Variants in DGKI observed in about 807,000 individuals in gnomAD.
The protein encoded by DGKI is DAG kinase iota.
In DGKI, 55 loss-of-function variants were observed where a neutral mutation model predicts 147.5. The ratio of observed to expected loss-of-function variants is 0.37; its 90% CI spans 0.30 to 0.47. DGKI has a LOEUF of 0.47. Among genes scored for constraint, DGKI ranks in the 20% least tolerant of loss-of-function variants. The pLI is 1.00. For missense variants in DGKI, 1,007 were observed against 1,323.8 expected (o/e 0.76, Z 3.71); for synonymous variants, 469 against 477.1 (o/e 0.98, Z 0.22).
intron 1 of DGKI, among the ~76,000 whole-genome samples, chr7:137,719,350 G>C (rs939070718): frequency 6.6e-6 from 1 of 151,880 alleles, no homozygotes; most frequent in African/African-American, 2.4e-5. Context: ...TGATTTTCTC[G>C]GTTAGCCTTG....
intron 1 of DGKI, among the ~76,000 whole-genome samples, chr7:137,707,991 A>C (rs898244543): frequency 6.6e-6 from 1 of 152,168 alleles, no homozygotes; most frequent in Non-Finnish European, 1.5e-5. Context: ...CTAGACCCCT[A>C]TCCCTAAGGT....
chr7:137,651,704 C>T (rs1453453084), intron 5 of DGKI, among the ~76,000 whole-genome samples: 1 of 151,752 alleles, frequency 6.6e-6, no homozygotes, highest in Non-Finnish European at 1.5e-5. Flanking sequence ...GAACTAAGCT[C>T]GGAGGGATTT....
chr7:137,641,088 A>G (rs1466725474), intron 6 of DGKI, among the ~76,000 whole-genome samples: 1 of 152,154 alleles, frequency 6.6e-6, no homozygotes, highest in African/African-American at 2.4e-5. Flanking sequence ...TTCTTGTGAT[A>G]GTGAATGAGT....
At chr7:137,705,939 A>G (rs1405348013) in intron 1 of DGKI, among the ~76,000 whole-genome samples, 1 of 152,066 alleles carries the variant, frequency 6.6e-6, no homozygotes, top group East Asian at 1.9e-4. Flanking sequence ...ATCTTTATTT[A>G]TGAGCCCACA....
At chr7:137,807,107 G>A (rs938493888) in intron 1 of DGKI, among the ~76,000 whole-genome samples, 1 of 152,166 alleles carries the variant, frequency 6.6e-6, no homozygotes, top group African/African-American at 2.4e-5. Context: ...GTGATTACGA[G>A]ATAGTTTATT....
chr7:137,767,508 AAGAGAAGAGAAGAGAAGAGAAGAGT>A (rs1346776876), intron 1 of DGKI, among the ~76,000 whole-genome samples: 2 of 149,726 alleles, frequency 1.3e-5, no homozygotes, highest in East Asian at 2.0e-4. Context: ...AAGAGAAGAG[AAGAGAAGAGAAGAGAAGAGAAGAGT>A]AGAGTAGGAG....
chr7:137,434,910 A>G (rs1423200177), intron 28 of DGKI, among the ~76,000 whole-genome samples: 1 of 152,190 alleles, frequency 6.6e-6, no homozygotes, highest in African/African-American at 2.4e-5. Context: ...CTAAGAAAAA[A>G]TATGCTATCA....
chr7:137,508,862 T>C (rs1417659413), intron 21 of DGKI, among the ~76,000 whole-genome samples: 1 of 152,118 alleles, frequency 6.6e-6, no homozygotes. Flanking sequence ...GAAACTGTTC[T>C]GAGTTTGCTA....
intron 21 of DGKI, among the ~76,000 whole-genome samples, chr7:137,499,523 G>T (rs180694490): frequency 3.3e-5 from 5 of 152,168 alleles, no homozygotes; most frequent in Non-Finnish European, 7.4e-5. Flanking sequence ...TCTGCTTGGG[G>T]CCTGGATAGA....
chr7:137,675,228 C>T (rs1189174838), intron 3 of DGKI, among the ~76,000 whole-genome samples: 2 of 147,138 alleles, frequency 1.4e-5, no homozygotes, highest in Non-Finnish European at 2.9e-5. Context: ...ACATGGCCAC[C>T]CACGTTATCC....
intron 23 of DGKI, among the ~76,000 whole-genome samples, chr7:137,482,438 G>A (rs1037628456): frequency 4.0e-5 from 6 of 151,784 alleles, no homozygotes; most frequent in African/African-American, 1.5e-4. Flanking sequence ...CTCCGGCCTT[G>A]TAGTTTTAAG....
intron 19 of DGKI, among the ~76,000 whole-genome samples, chr7:137,567,154 C>T (rs961791392): frequency 2.6e-5 from 4 of 151,322 alleles, no homozygotes; most frequent in Admixed American, 2.0e-4. Context: ...ATCCCAGCTA[C>T]TTGGGGGGCT....
rs571715851 is a variant in DGKI at position 137,428,541 on chromosome 7, G to T, written c.2761+15536C>A. The stretch of plus-strand genomic sequence containing the variant: ...ACTCCTATTTGACATAGTGTTGGAA[G>T]TTCTGGCCAGGGCAATTAGGCAGGA... On this transcript the variant is annotated intron_variant, in intron 28 of 32. Transcript: ENST00000614521. Among the ~76,000 whole-genome samples, 1,440 of 152,248 alleles carry T rather than the reference G, an allele frequency of 9.5e-3. 15 individuals are homozygous for T. Among genetic ancestry groups the T allele is most frequent in the African/African-American group, 0.033 (1,376 of 41,512 alleles).
intron 28 of DGKI, 78 bp from the exon 29 acceptor site, chr7:137,412,285 T>G: frequency 5.9e-6 from 8 of 1,349,314 alleles, no homozygotes; most frequent in Non-Finnish European, 8.5e-6. Context: ...GGATCCATAT[T>G]TTGGATAAGT....
intron 1 of DGKI, among the ~76,000 whole-genome samples, chr7:137,703,528 C>T (rs532392278): frequency 2.3e-4 from 35 of 152,306 alleles, no homozygotes; most frequent in African/African-American, 8.4e-4. Flanking sequence ...GTGTTGAAGA[C>T]ATGCCCCACA....
intron 1 of DGKI, among the ~76,000 whole-genome samples, chr7:137,839,967 G>A (rs1203548187): frequency 6.6e-6 from 1 of 152,168 alleles, no homozygotes; most frequent in Non-Finnish European, 1.5e-5. Flanking sequence ...GGGCTGGAAG[G>A]AAAGAACATT....
At position 137,452,142 on chromosome 7, in the gene DGKI, C is replaced by T. The variant is rs138217308; in HGVS notation, c.2736-8040G>A. ...TACCTTCTACTCAGCACTGCTAAAC[C>T]ATCACCTGGTGGGGAGTTGGCCAAG... On this transcript the variant is annotated intron_variant, in intron 27 of 32. Transcript: ENST00000614521. Among the ~76,000 whole-genome samples the T allele has an allele frequency of 2.5e-3, 381 of 152,314 alleles. 4 individuals carry two copies. Among genetic ancestry groups the T allele is most frequent in the African/African-American group, 8.9e-3 (368 of 41,568 alleles).
At chr7:137,561,092 G>C (rs187566954) in intron 19 of DGKI, among the ~76,000 whole-genome samples, 11 of 151,856 alleles carry the variant, frequency 7.2e-5, no homozygotes, top group African/African-American at 2.7e-4. Flanking sequence ...CCAATAGAAA[G>C]GAAACCAGTA....
intron 3 of DGKI, among the ~76,000 whole-genome samples, chr7:137,673,549 A>C (rs752950606): frequency 6.6e-6 from 1 of 152,220 alleles, no homozygotes; most frequent in Non-Finnish European, 1.5e-5. Context: ...TCTCAGTAGC[A>C]ATACTTTAAA....
Sources: allele counts gnomAD v4.1 joint callset (sites outside exome capture counted in the v4.1 genomes callset), GRCh38; gene constraint gnomAD v4.1.1; transcripts MANE v1.5; gene names NCBI Gene and HGNC (gene_info 2026-07-23, HGNC 2026-07-21).